The following FANCM variants were observed in gnomAD, a reference collection of about 807,000 sequenced individuals.
The protein encoded by FANCM is Fanconi anemia group M protein.
A neutral mutation model predicts 199.5 loss-of-function variants in FANCM; 140 were observed. The ratio of observed to expected loss-of-function variants is 0.70; its 90% CI spans 0.61 to 0.81. FANCM has a LOEUF of 0.81. Ranked by LOEUF, FANCM falls within the 30% of genes least tolerant of loss-of-function variation. The probability of loss-of-function intolerance (pLI) is 0.00; values close to 1 mark genes in which losing one functional copy is unlikely to be tolerated. For missense variants in FANCM, 2,410 were observed against 2,421.4 expected (o/e 1.00, Z 0.10); for synonymous variants, 840 against 836.8 (o/e 1.00, Z -0.07).
At chr14:45,199,624 T>C (rs553125337) in intron 22 of FANCM, among the ~76,000 whole-genome samples, 4 of 152,214 alleles carry the variant, frequency 2.6e-5, no homozygotes, top group Non-Finnish European at 5.9e-5. Context: ...CTTCAACATA[T>C]GAATTTTGGG....
Position 45,146,098 on chromosome 14 carries a change from G to A in FANCM, c.760-2739G>A, listed in dbSNP as rs558232615. On this transcript the variant is annotated intron_variant, in intron 3 of 22. Coordinates refer to ENST00000267430, the MANE Select transcript of FANCM (RefSeq NM_020937.4). ...AAAAAAAAAATACAAAATATTAGCC[G>A]GGCGTGGTGGTGGGCACCTGTAGTC... Among the ~76,000 whole-genome samples the A allele has an allele frequency of 6.7e-5, 10 of 149,046 alleles. No homozygotes were observed. The East Asian group carries it at 2.0e-3, about 29-fold the overall frequency.
rs1246943341 is a variant in FANCM at position 45,170,643 on chromosome 14, A to T, written c.2057A>T (p.Lys686Ile). The T allele has an allele frequency of 6.2e-7, 1 of 1,604,032 alleles. No individual in the cohort carries two copies. Among genetic ancestry groups the T allele is most frequent in the African/African-American group, 1.3e-5 (1 of 74,810 alleles). The change falls in exon 12 of 23, where the codon AAA becomes ATA. Residue 686 changes from lysine (K) to isoleucine (I), a missense_variant. Physicochemically the swap from Lys to Ile is moderately radical, Grantham distance 102. Transcript: ENST00000267430. ...KDWFLSEEEF[K>I]LWNRLYRLRD... ...TGGTTCTTATCAGAAGAAGAATTTA[A>T]ATTATGGAACAGACTTTATAGATTA...
At chr14:45,136,919 A>C (rs1885557843) in intron 1 of FANCM, 150 bp from the exon 2 acceptor site, 1 of 712,732 alleles carries the variant, frequency 1.4e-6, no homozygotes, top group East Asian at 2.7e-5. Flanking sequence ...ACCACACCAG[A>C]ACTTTAAAAT....
intron 2 of FANCM, 98 bp from the exon 3 acceptor site, chr14:45,140,534 G>C: frequency 1.3e-6 from 1 of 743,232 alleles, no homozygotes; most frequent in South Asian, 1.4e-5. Flanking sequence ...ACTGATGAAG[G>C]AATAATGATA....
intron 1 of FANCM, 97 bp downstream of exon 1, chr14:45,136,636 C>A: frequency 8.4e-7 from 1 of 1,193,700 alleles, no homozygotes; most frequent in Non-Finnish European, 1.2e-6. Context: ...TACGCCCTCC[C>A]TCTTAAAACA....
Position 45,175,300 on chromosome 14 carries a change from A to T in FANCM, c.2546A>T (p.Lys849Ile). 1 of 1,575,460 alleles carries T rather than the reference A, an allele frequency of 6.3e-7. No individual in the cohort carries two copies. The highest frequency in any genetic ancestry group is 8.6e-7 in the Non-Finnish European group (1 of 1,164,890). Reference protein sequence around the residue: ...IVKQTHIKPTKIVSLKKKVSK... With the variant: ...IVKQTHIKPTIIVSLKKKVSK... ...AAACAAACTCATATCAAACCTACTA[A>T]AATTGTTTCTTTAAAGAAAAAAGTG... is the stretch of plus-strand genomic sequence containing the variant. The change falls in exon 14 of 23, where the codon AAA becomes ATA. Residue 849 changes from lysine to isoleucine, a missense_variant. Physicochemically the swap from Lys to Ile is moderately radical, Grantham distance 102. Transcript: ENST00000267430.
chr14:45,192,769 C>T (rs1019436364), intron 20 of FANCM, among the ~76,000 whole-genome samples: 5 of 151,800 alleles, frequency 3.3e-5, no homozygotes, highest in Middle Eastern at 3.2e-3. Context: ...GTTGAGGTTG[C>T]GGTGAGCTAT....
At chr14:45,154,626 C>T in intron 6 of FANCM, 71 bp from the exon 7 acceptor site, 1 of 1,110,054 alleles carries the variant, frequency 9.0e-7, no homozygotes, top group Non-Finnish European at 1.3e-6. Flanking sequence ...AGTTTAATTT[C>T]TTTTTAATAA....
At chr14:45,138,918 T>C (rs1014154204) in intron 2 of FANCM, among the ~76,000 whole-genome samples, 10 of 152,236 alleles carry the variant, frequency 6.6e-5, no homozygotes, top group Non-Finnish European at 8.8e-5. Flanking sequence ...AAAGAAGTAA[T>C]GTATTTGGCT....
At chr14:45,160,758 G>A (rs1034747628) in intron 9 of FANCM, among the ~76,000 whole-genome samples, 5 of 151,620 alleles carry the variant, frequency 3.3e-5, no homozygotes, top group Non-Finnish European at 7.4e-5. Flanking sequence ...ACCCAGGACG[G>A]TCTCCATCTC....
At chr14:45,157,942 A>G (rs922636179) in intron 8 of FANCM, among the ~76,000 whole-genome samples, 1 of 152,174 alleles carries the variant, frequency 6.6e-6, no homozygotes, top group Non-Finnish European at 1.5e-5. Context: ...CATGCCTGTA[A>G]TCCCAGCACT....
chr14:45,189,003 A>G lies in FANCM; in HGVS notation c.4981A>G (p.Lys1661Glu), dbSNP rs1324848045. Residue 1661 changes from lysine to glutamate, a missense_variant, in exon 20 of 23, where the codon AAA (lysine) becomes GAA (glutamate). Lys to Glu is a moderately conservative substitution (Grantham distance 56, BLOSUM62 1). Coordinates refer to ENST00000267430, the MANE Select transcript of FANCM (RefSeq NM_020937.4). ...GATGGAACAAAATTGTGCACATTCA[A>G]AAAAGAAATTATCCAGAATTATTTT... ...EMMEQNCAHS[K>E]KKLSRIILPD... 6.2e-7 allele frequency: 1 copy of G among 1,614,122 alleles called. No individual in the cohort carries two copies. Among genetic ancestry groups the G allele is most frequent in the East Asian group, 2.2e-5 (1 of 44,872 alleles).
intron 6 of FANCM, among the ~76,000 whole-genome samples, chr14:45,154,398 T>TAA (rs5808292): frequency 4.7e-4 from 59 of 125,988 alleles, no homozygotes; most frequent in African/African-American, 1.5e-3. Flanking sequence ...GAGACTGTCT[T>TAA]AAAAAAAAAA....
At chr14:45,146,403 A>G (rs929447007) in intron 3 of FANCM, among the ~76,000 whole-genome samples, 1 of 152,002 alleles carries the variant, frequency 6.6e-6, no homozygotes, top group Admixed American at 6.5e-5. Flanking sequence ...TGTGTGGGCG[A>G]TTATCTGTAT....
intron 22 of FANCM, 110 bp downstream of exon 22, chr14:45,199,045 T>C (rs1384786453): frequency 2.5e-6 from 2 of 786,862 alleles, no homozygotes; most frequent in Non-Finnish European, 4.0e-6. Flanking sequence ...TGTTAGATTA[T>C]TTTATTCAGT....
At position 45,175,409 on chromosome 14, in the gene FANCM, T is replaced by A. The variant is rs1239250358; in HGVS notation, c.2655T>A (p.Thr885=). 1 of 1,573,612 alleles carries A rather than the reference T, an allele frequency of 6.4e-7. No homozygotes were observed. Among genetic ancestry groups the A allele is most frequent in the Non-Finnish European group, 8.6e-7 (1 of 1,158,520 alleles). The part of the protein sequence containing the change: ...IDSVDNDRNS[T]VENIFQEDLP... Reference sequence around the variant, plus strand: ...CTGTAGATAATGACAGAAATTCCACTGTTGAAAATATTTTTCAAGAAGACC... The same window carrying A: ...CTGTAGATAATGACAGAAATTCCACAGTTGAAAATATTTTTCAAGAAGACC... The change falls in exon 14 of 23, where the codon ACT becomes ACA. Residue 885 remains threonine (T), a synonymous_variant. Transcript: ENST00000267430.
At chr14:45,170,217 G>T (rs866229234) in intron 11 of FANCM, among the ~76,000 whole-genome samples, 60 of 152,318 alleles carry the variant, frequency 3.9e-4, no homozygotes, top group African/African-American at 1.4e-3. Flanking sequence ...AGAAGTTTAG[G>T]AGACATTTAG....
At chr14:45,147,897 GCCC>G (rs369490952) in intron 3 of FANCM, among the ~76,000 whole-genome samples, 1 of 125,994 alleles carries the variant, frequency 7.9e-6, no homozygotes, top group African/African-American at 3.0e-5. Flanking sequence ...GTTCCAAACC[GCCC>G]CCCCCCCAAA....
Position 45,176,043 on chromosome 14 carries a change from A to G in FANCM, c.3289A>G (p.Asn1097Asp), listed in dbSNP as rs1389524461. The G allele has an allele frequency of 6.2e-7, 1 of 1,614,032 alleles. No homozygotes were observed. Among genetic ancestry groups the G allele is most frequent in the South Asian group, 1.1e-5 (1 of 91,082 alleles). The change falls in exon 14 of 23, where the codon AAC becomes GAC. Residue 1097 changes from asparagine to aspartate, a missense_variant. Asn to Asp is a conservative substitution (Grantham distance 23). Coordinates refer to ENST00000267430, the MANE Select transcript of FANCM (RefSeq NM_020937.4). Reference protein sequence around the residue: ...KHNQNENLVPNNRVQIHRSPA... With the variant: ...KHNQNENLVPDNRVQIHRSPA... ...TAATCAAAATGAAAATTTAGTACCTAACAATCGTGTTCAAATACACAGAAG... is the reference window on the plus strand; with the variant it reads ...TAATCAAAATGAAAATTTAGTACCTGACAATCGTGTTCAAATACACAGAAG...
Sources: gnomAD v4.1 joint callset for allele counts (sites outside exome capture counted in the v4.1 genomes callset) on GRCh38, gnomAD v4.1.1 for gene constraint, MANE v1.5 for transcripts, NCBI Gene and HGNC (gene_info 2026-07-23, HGNC 2026-07-21) for gene names.